The following RELCH variants were observed in gnomAD, a reference collection of about 807,000 sequenced individuals.
RELCH encodes RAB11 binding and LisH domain, coiled-coil and HEAT repeat containing, also known as RAB11-binding protein RELCH.
A neutral mutation model predicts 150.3 loss-of-function variants in RELCH; 41 were observed. That is an observed-to-expected ratio of 0.27 (90% confidence interval 0.21 to 0.35). The LOEUF (loss-of-function observed/expected upper bound fraction) is 0.35. Among genes scored for constraint, RELCH ranks in the 10% least tolerant of loss-of-function variants. RELCH has a pLI of 1.00. For missense variants in RELCH, 1,092 were observed against 1,467.8 expected, an observed-to-expected ratio of 0.74 and a Z score of 4.18; for synonymous variants, 478 against 531.8, an observed-to-expected ratio of 0.90 and a Z score of 1.39.
At chr18:62,265,644 T>C (rs2043517026) in intron 18 of RELCH, among the ~76,000 whole-genome samples, 2 of 152,048 alleles carry the variant, frequency 1.3e-5, no homozygotes, top group Non-Finnish European at 2.9e-5. Context: ...TAGTATGCTA[T>C]AAGGAACTGG....
intron 11 of RELCH, among the ~76,000 whole-genome samples, chr18:62,245,509 C>T (rs1390259587): frequency 6.6e-6 from 1 of 151,890 alleles, no homozygotes; most frequent in East Asian, 1.9e-4. Context: ...GCCTGTAATC[C>T]CAGCTACTCA....
chr18:62,206,201 T>TA (rs1451818792), intron 1 of RELCH, among the ~76,000 whole-genome samples: 2 of 152,122 alleles, frequency 1.3e-5, no homozygotes, highest in African/African-American at 4.8e-5. Flanking sequence ...AGGTACCTGC[T>TA]ACCATACCCG....
intron 22 of RELCH, among the ~76,000 whole-genome samples, chr18:62,278,930 A>G (rs1267431888): frequency 6.6e-6 from 1 of 152,154 alleles, no homozygotes; most frequent in Non-Finnish European, 1.5e-5. Flanking sequence ...AAATTAGATC[A>G]TTTCTTCCAA....
chr18:62,200,720 C>T (rs986713157), intron 1 of RELCH, among the ~76,000 whole-genome samples: 1 of 151,950 alleles, frequency 6.6e-6, no homozygotes, highest in African/African-American at 2.4e-5. Context: ...CAAATAATTT[C>T]AGAACTGACC....
chr18:62,229,496 G>GTC (rs1266037852), intron 8 of RELCH, among the ~76,000 whole-genome samples: 6 of 144,550 alleles, frequency 4.2e-5, no homozygotes, highest in Non-Finnish European at 7.6e-5. Context: ...GTGTGTGTGT[G>GTC]TGTGTGTGTG....
intron 5 of RELCH, among the ~76,000 whole-genome samples, chr18:62,223,786 T>C (rs1350519759): frequency 6.6e-6 from 1 of 152,102 alleles, no homozygotes; most frequent in East Asian, 1.9e-4. Flanking sequence ...CAAAAATCAG[T>C]CATTGTAATT....
At chr18:62,240,277 C>G (rs2042078515) in intron 10 of RELCH, among the ~76,000 whole-genome samples, 1 of 151,846 alleles carries the variant, frequency 6.6e-6, no homozygotes, top group African/African-American at 2.4e-5. Context: ...CAATTGTTTT[C>G]AGCATATGTT....
chr18:62,188,227 T>C (rs1336830145), intron 1 of RELCH, among the ~76,000 whole-genome samples, 196 bp downstream of exon 1: 1 of 152,212 alleles, frequency 6.6e-6, no homozygotes, highest in Non-Finnish European at 1.5e-5. Flanking sequence ...CTTCCAACCC[T>C]TGGCTGGTGT....
chr18:62,207,404 G>C lies in RELCH; in HGVS notation c.527-3749G>C, dbSNP rs139215299. ...ACATTTTATTTCTTCATTTATCAAT[G>C]GACAGATATTTAGTTGTTTCCACTT... On this transcript the variant is annotated intron_variant, in intron 1 of 28. Coordinates refer to ENST00000644646, the MANE Select transcript of RELCH (RefSeq NM_001346231.2). 5.5e-3 allele frequency among the ~76,000 whole-genome samples: 833 copies of C among 152,148 alleles called. 29 individuals are homozygous for C. The highest frequency in any genetic ancestry group is 2.1e-3 in the East Asian group (11 of 5,186).
At chr18:62,265,974 A>G (rs932874258) in intron 18 of RELCH, among the ~76,000 whole-genome samples, 2 of 151,978 alleles carry the variant, frequency 1.3e-5, no homozygotes, top group Non-Finnish European at 2.9e-5. Context: ...TGTTAAACAA[A>G]TATAATTTGA....
At chr18:62,229,009 T>C (rs1299740541) in intron 8 of RELCH, among the ~76,000 whole-genome samples, 1 of 152,046 alleles carries the variant, frequency 6.6e-6, no homozygotes, top group East Asian at 1.9e-4. Context: ...TTTTTTCCTG[T>C]GTCTGCTTCC....
chr18:62,253,250 A>ATGCGTTC (rs77249733), intron 12 of RELCH, among the ~76,000 whole-genome samples: 6 of 11,296 alleles, frequency 5.3e-4, no homozygotes, highest in Admixed American at 1.3e-3. Flanking sequence ...AGTATACTTG[A>ATGCGTTC]AGAAACAGCA....
At chr18:62,197,242 C>G (rs2039109926) in intron 1 of RELCH, among the ~76,000 whole-genome samples, 3 of 152,086 alleles carry the variant, frequency 2.0e-5, no homozygotes, top group South Asian at 2.1e-4. Flanking sequence ...TTGTGGTACT[C>G]TACAAGGAAG....
At chr18:62,280,206 A>G in intron 23 of RELCH, 1 of 637,944 alleles carries the variant, frequency 1.6e-6, no homozygotes, top group Non-Finnish European at 2.8e-6. Context: ...TAAGTGTAGT[A>G]GCATGAACCA....
chr18:62,229,508 G>GTA (rs2041427917), intron 8 of RELCH, among the ~76,000 whole-genome samples: 1 of 148,860 alleles, frequency 6.7e-6, no homozygotes, highest in Admixed American at 7.0e-5. Context: ...GTGTGTGTGT[G>GTA]TGTGTGTGTG....
At chr18:62,249,906 T>G (rs1407655119) in intron 11 of RELCH, among the ~76,000 whole-genome samples, 1 of 152,110 alleles carries the variant, frequency 6.6e-6, no homozygotes, top group East Asian at 1.9e-4. Flanking sequence ...TTTGATATAA[T>G]CAGTTATTTT....
intron 24 of RELCH, 41 bp downstream of exon 24, chr18:62,280,750 A>C: frequency 7.5e-7 from 1 of 1,329,468 alleles, no homozygotes; most frequent in Non-Finnish European, 1.1e-6. Context: ...TGTAATATTG[A>C]TGTGGTCATG....
At chr18:62,191,632 C>T (rs1006962267) in intron 1 of RELCH, among the ~76,000 whole-genome samples, 2 of 152,204 alleles carry the variant, frequency 1.3e-5, no homozygotes, top group East Asian at 3.9e-4. Context: ...TATATGAGAA[C>T]ATACGGTGTT....
chr18:62,275,018 G>A (rs1397834212), intron 21 of RELCH, among the ~76,000 whole-genome samples: 1 of 152,198 alleles, frequency 6.6e-6, no homozygotes, highest in East Asian at 1.9e-4. Flanking sequence ...CTGCGTTCAA[G>A]CAATTCTCCT....
Sources: allele counts gnomAD v4.1 joint callset (sites outside exome capture counted in the v4.1 genomes callset), GRCh38; gene constraint gnomAD v4.1.1; transcripts MANE v1.5; gene names NCBI Gene and HGNC (gene_info 2026-07-23, HGNC 2026-07-21).